The following ATP9B variants were observed in gnomAD, a reference collection of about 807,000 sequenced individuals.
ATP9B encodes ATPase phospholipid transporting 9B.
A neutral mutation model predicts 146.1 loss-of-function variants in ATP9B; 110 were observed. The observed-to-expected ratio is 0.75, with a 90% CI of 0.65 to 0.88. The LOEUF (loss-of-function observed/expected upper bound fraction) is 0.88, where lower values mean the gene tolerates loss of function less well. Ranked by LOEUF, ATP9B falls within the 40% of genes least tolerant of loss-of-function variation. The pLI, the probability that ATP9B is intolerant of heterozygous loss-of-function variation, is 0.00. For missense variants in ATP9B, 1,499 were observed against 1,496.4 expected (o/e 1.00, Z -0.03); for synonymous variants, 604 against 569.7 (o/e 1.06, Z -0.86).
At chr18:79,283,420 G>A (rs181812053) in intron 13 of ATP9B, among the ~76,000 whole-genome samples, 4 of 152,324 alleles carry the variant, frequency 2.6e-5, no homozygotes, top group South Asian at 4.1e-4. Flanking sequence ...GTGGTCCTTC[G>A]CAGGAGTGTA....
chr18:79,076,141 T>A (rs1455483300), intron 1 of ATP9B, among the ~76,000 whole-genome samples: 1 of 152,244 alleles, frequency 6.6e-6, no homozygotes, highest in East Asian at 1.9e-4. Flanking sequence ...ATTTCCCTTA[T>A]ATACAATTAG....
chr18:79,165,073 TC>T (rs1467455759), intron 7 of ATP9B, among the ~76,000 whole-genome samples: 2 of 152,358 alleles, frequency 1.3e-5, no homozygotes, highest in Non-Finnish European at 2.9e-5. Context: ...TGATACGAGT[TC>T]CCAGTATATG....
chr18:79,206,855 G>A (rs2095538957), intron 9 of ATP9B, 82 bp from the exon 10 acceptor site: 2 of 1,330,034 alleles, frequency 1.5e-6, no homozygotes, highest in South Asian at 1.3e-5. Context: ...TTGTGGACCT[G>A]TTTCTAATAC....
chr18:79,097,231 C>T (rs1263481609), intron 2 of ATP9B, among the ~76,000 whole-genome samples: 2 of 151,158 alleles, frequency 1.3e-5, no homozygotes, highest in Admixed American at 1.3e-4. Context: ...AATGGTTGCT[C>T]TATCAACATT....
At chr18:79,278,285 C>T (rs1012235270) in intron 13 of ATP9B, among the ~76,000 whole-genome samples, 1 of 152,284 alleles carries the variant, frequency 6.6e-6, no homozygotes, top group African/African-American at 2.4e-5. Context: ...CGACTTTGAT[C>T]GAGTGGTGCG....
At chr18:79,263,335 G>A (rs1306841753) in intron 12 of ATP9B, among the ~76,000 whole-genome samples, 1 of 152,158 alleles carries the variant, frequency 6.6e-6, no homozygotes, top group African/African-American at 2.4e-5. Flanking sequence ...TGGGACAAGT[G>A]GACCCTCCAT....
At chr18:79,332,471 T>C (rs887141129) in intron 17 of ATP9B, among the ~76,000 whole-genome samples, 9 of 152,172 alleles carry the variant, frequency 5.9e-5, no homozygotes, top group African/African-American at 1.9e-4. Flanking sequence ...GAAAATGTTA[T>C]CTACTCATCA....
At position 79,344,502 on chromosome 18, in the gene ATP9B, A is replaced by G. The variant is rs1156888798; in HGVS notation, c.2472+148A>G. On this transcript the variant is annotated intron_variant, in intron 21 of 29. Transcript: ENST00000426216. ...TCTGTCTGTCTGTGTCTCTGAGGCA[A>G]GGCTGGACCCTGGCCCAGTGTGTGT... The G allele has an allele frequency of 5.2e-6, 4 of 774,990 alleles. No individual in the cohort carries two copies. In the African/African-American group the frequency reaches 6.9e-5, roughly 13 times the overall value. The allele number at this position is 774,990 out of a possible 1,614,324, so 48.0% of individuals were successfully genotyped here.
At chr18:79,295,105 G>T (rs58922110) in intron 13 of ATP9B, among the ~76,000 whole-genome samples, 3,674 of 30,362 alleles carry the variant, frequency 0.12, 149 homozygotes, top group African/African-American at 0.33. Context: ...CACATACACA[G>T]ACACAGACAC....
At chr18:79,311,540 A>T (rs1250377103) in intron 15 of ATP9B, among the ~76,000 whole-genome samples, 1 of 152,236 alleles carries the variant, frequency 6.6e-6, no homozygotes, top group East Asian at 1.9e-4. Context: ...TGCTTATTTA[A>T]AACTTTAGTT....
chr18:79,375,632 G>A, intron 29 of ATP9B: 1 of 985,460 alleles, frequency 1.0e-6, no homozygotes, highest in Non-Finnish European at 1.2e-6. Flanking sequence ...GGGCTTGGTG[G>A]CCCTGAGTGA....
At chr18:79,126,451 TGAAA>T in intron 5 of ATP9B, 76 bp downstream of exon 5, 3 of 995,348 alleles carry the variant, frequency 3.0e-6, no homozygotes, top group Non-Finnish European at 4.5e-6. Context: ...AACAAATGTA[TGAAA>T]ACATTTTAAT....
In ATP9B at chr18:79,341,176, A is replaced by G. The variant is rs1427433061; in HGVS notation, c.2284-1092A>G. On this transcript the variant is annotated intron_variant, in intron 19 of 29. Coordinates refer to ENST00000426216, the MANE Select transcript of ATP9B (RefSeq NM_198531.5). ...TTGAAGTCTGTGTTGCCGACACACCATTTAATTGTGGTTGGATGTGTGTAG... is the reference window on the plus strand; with the variant it reads ...TTGAAGTCTGTGTTGCCGACACACCGTTTAATTGTGGTTGGATGTGTGTAG... Among the ~76,000 whole-genome samples the G allele has an allele frequency of 2.7e-5, 4 of 150,732 alleles. No individual in the cohort carries two copies. In the East Asian group the frequency reaches 5.9e-4, roughly 22 times the overall value.
At chr18:79,361,583 T>G (rs771036593) in intron 26 of ATP9B, 16 of 166,264 alleles carry the variant, frequency 9.6e-5, no homozygotes, top group Admixed American at 6.5e-5. Context: ...TTCTTCAACA[T>G]CTTATCTGCA....
At chr18:79,370,440 A>T (rs1379888556) in intron 26 of ATP9B, among the ~76,000 whole-genome samples, 1 of 152,204 alleles carries the variant, frequency 6.6e-6, no homozygotes, top group Non-Finnish European at 1.5e-5. Flanking sequence ...AGAGTGACAG[A>T]CATCTTCATC....
chr18:79,087,830 T>A (rs1415646297), intron 1 of ATP9B, among the ~76,000 whole-genome samples: 1 of 152,218 alleles, frequency 6.6e-6, no homozygotes, highest in African/African-American at 2.4e-5. Context: ...TTTCTTAGCA[T>A]GGCAGTGCTC....
intron 5 of ATP9B, among the ~76,000 whole-genome samples, chr18:79,142,664 G>T (rs887060284): frequency 1.3e-5 from 2 of 152,138 alleles, no homozygotes; most frequent in Non-Finnish European, 2.9e-5. Flanking sequence ...TGTTTCACAC[G>T]TAATTCTAAA....
At chr18:79,114,585 G>T (rs1446482250) in intron 4 of ATP9B, among the ~76,000 whole-genome samples, 2 of 152,106 alleles carry the variant, frequency 1.3e-5, no homozygotes, top group East Asian at 1.9e-4. Flanking sequence ...GAAATTTTTT[G>T]ATTTCTCTTT....
chr18:79,183,704 T>C (rs954534692), intron 8 of ATP9B, among the ~76,000 whole-genome samples: 4 of 151,856 alleles, frequency 2.6e-5, no homozygotes, highest in African/African-American at 9.7e-5. Context: ...ATATTTTAAA[T>C]AATTAGTTTT....
Sources: gnomAD v4.1 joint callset for allele counts (sites outside exome capture counted in the v4.1 genomes callset) on GRCh38, gnomAD v4.1.1 for gene constraint, MANE v1.5 for transcripts, NCBI Gene and HGNC (gene_info 2026-07-23, HGNC 2026-07-21) for gene names.